CAMTA1: variants seen among roughly 807,000 people sequenced by gnomAD.
CAMTA1 encodes the protein calmodulin binding transcription activator 1.
A neutral mutation model predicts 170.9 loss-of-function variants in CAMTA1; 27 were observed. The observed-to-expected ratio is 0.16, with a 90% confidence interval of 0.12 to 0.22. CAMTA1 has a LOEUF of 0.22. CAMTA1 is among the 10% of genes least tolerant of loss of function. CAMTA1 has a pLI of 1.00. For missense variants in CAMTA1, 1,619 were observed against 2,217.2 expected (o/e 0.73, Z 5.42); for synonymous variants, 833 against 891.5 (o/e 0.93, Z 1.17).
At position 7,580,175 on chromosome 1, in the gene CAMTA1, C is replaced by T. The variant is rs918285344; in HGVS notation, c.511-60225C>T. Reference sequence around the variant, plus strand: ...GACACTGGTATGTGAACTGAGGCAGCGGGAAGAGCTCCTGGCCAAGGTCTT... The same window carrying T: ...GACACTGGTATGTGAACTGAGGCAGTGGGAAGAGCTCCTGGCCAAGGTCTT... On this transcript the variant is annotated intron_variant, in intron 6 of 22. Coordinates refer to ENST00000303635, the MANE Select transcript of CAMTA1 (RefSeq NM_015215.4). The surrounding 1 kb of genome is among the most constrained non-coding windows in gnomAD (Gnocchi z 4.3). Among the ~76,000 whole-genome samples, 2 of 152,340 alleles carry T rather than the reference C, an allele frequency of 1.3e-5. No homozygotes were observed. Among genetic ancestry groups the T allele is most frequent in the African/African-American group, 2.4e-5 (1 of 41,578 alleles).
At chr1:7,049,514 TGG>T (rs1326191770) in intron 3 of CAMTA1, among the ~76,000 whole-genome samples, 1 of 152,178 alleles carries the variant, frequency 6.6e-6, no homozygotes, top group African/African-American at 2.4e-5. Context: ...TGGAGTATAG[TGG>T]CACAATCTCT....
rs2149110284 is a variant in CAMTA1, at chr1:6,887,012, G to T, written c.234+61802G>T. Among the ~76,000 whole-genome samples, 1 of 152,310 alleles carries T rather than the reference G, an allele frequency of 6.6e-6. No homozygotes were observed. Among genetic ancestry groups the T allele is most frequent in the South Asian group, 2.1e-4 (1 of 4,820 alleles). ...CTGGCCCAGGAAGTAACAATGGGAA[G>T]TGCTGGAAATGGAATTTAAGAAGTC... On this transcript the variant is annotated intron_variant, in intron 3 of 22. Transcript: ENST00000303635. The surrounding 1 kb of genome is among the most constrained non-coding windows in gnomAD (Gnocchi z 4.1).
In CAMTA1 at chr1:7,665,292, T is replaced by A; in HGVS notation, c.2652+93T>A. The A allele has an allele frequency of 1.8e-6, 2 of 1,100,692 alleles. No individual in the cohort carries two copies. Among genetic ancestry groups the A allele is most frequent in the Non-Finnish European group, 2.4e-6 (2 of 824,694 alleles). 68.2% of individuals were successfully genotyped at this position (1,100,692 alleles called of 1,614,324 possible). A position where few individuals can be genotyped will look rare whatever the true frequency, so the allele number is the denominator to read the frequency against. On this transcript the variant is annotated intron_variant, in intron 9 of 22. Transcript: ENST00000303635. This position sits in a 1 kb window ranked among gnomAD's most constrained non-coding sequence, Gnocchi z 4.3. The stretch of plus-strand genomic sequence containing the variant: ...CCTGCAGCTAAGGGATGCCTGTGGC[T>A]GCCCTTCAGAGGAAGCTCTGGACCA...
chr1:7,549,515 C>T (rs1018364546), intron 6 of CAMTA1, among the ~76,000 whole-genome samples: 3 of 152,150 alleles, frequency 2.0e-5, no homozygotes. Flanking sequence ...CATTTCCTCT[C>T]CAATGCCCTG....
intron 18 of CAMTA1, among the ~76,000 whole-genome samples, chr1:7,747,233 C>G (rs778642728): frequency 1.3e-5 from 2 of 152,146 alleles, no homozygotes; most frequent in Non-Finnish European, 2.9e-5. Flanking sequence ...GGGGCTGACT[C>G]CAGGCAGCCC....
At chr1:7,436,358 G>A (rs902944350) in intron 5 of CAMTA1, among the ~76,000 whole-genome samples, 4 of 152,228 alleles carry the variant, frequency 2.6e-5, no homozygotes, top group African/African-American at 9.6e-5. Context: ...GGGCCTGGGA[G>A]GGAAAAGGGG....
intron 6 of CAMTA1, among the ~76,000 whole-genome samples, chr1:7,582,884 C>T (rs1455417353): frequency 2.0e-5 from 3 of 151,886 alleles, no homozygotes; most frequent in South Asian, 4.2e-4. Context: ...AGCAGCCTCT[C>T]GGTGGGTTTC....
intron 5 of CAMTA1, among the ~76,000 whole-genome samples, chr1:7,457,681 T>TTG (rs1268270764): frequency 6.6e-6 from 1 of 152,192 alleles, no homozygotes; most frequent in East Asian, 1.9e-4. Context: ...TCAGAGAGGC[T>TTG]GGGGGAGCCT....
intron 5 of CAMTA1, among the ~76,000 whole-genome samples, chr1:7,344,581 G>A (rs2084081582): frequency 6.6e-6 from 1 of 152,054 alleles, no homozygotes; most frequent in Non-Finnish European, 1.5e-5. Context: ...GATTTCCAGG[G>A]TCTCCACCCT....
chr1:7,390,539 T>C (rs759404125), intron 5 of CAMTA1, among the ~76,000 whole-genome samples: 4 of 152,232 alleles, frequency 2.6e-5, no homozygotes, highest in Non-Finnish European at 1.5e-5. Flanking sequence ...AGTTCTGCTC[T>C]CTGGGCCTCA....
In CAMTA1 at chr1:6,968,139, C is replaced by T. The variant is rs142173363; in HGVS notation, c.235-123165C>T. Among the ~76,000 whole-genome samples, 3 of 152,326 alleles carry T rather than the reference C, an allele frequency of 2.0e-5. No individual in the cohort carries two copies. In the East Asian group the frequency reaches 5.8e-4, roughly 29 times the overall value. On this transcript the variant is annotated intron_variant, in intron 3 of 22. Coordinates refer to ENST00000303635, the MANE Select transcript of CAMTA1 (RefSeq NM_015215.4). ...ATGGAACCCACGAATTCCGTTGGCC[C>T]CTCCCTGCCCCAGATGGCACCCTCA...
Position 7,736,952 on chromosome 1 carries a change from T to C in CAMTA1, c.3285T>C (p.Ile1095=). 1 of 1,613,562 alleles carries C rather than the reference T, an allele frequency of 6.2e-7. No individual in the cohort carries two copies. ...IKWRTKHADS[I]DLELEVDPLN... is the part of the protein sequence containing the mutation. ...ATAGTACAAAGCACGCGGATAGCATTGACCTGGAACTGGAAGTTGACCCCT... is the reference window on the plus strand; with the variant it reads ...ATAGTACAAAGCACGCGGATAGCATCGACCTGGAACTGGAAGTTGACCCCT... Residue 1095 remains isoleucine, a synonymous_variant, in exon 14 of 23, where the codon ATT becomes ATC. Coordinates refer to ENST00000303635, the MANE Select transcript of CAMTA1 (RefSeq NM_015215.4). The surrounding 1 kb of genome is among the most constrained non-coding windows in gnomAD (Gnocchi z 4.5).
rs945366616 is a variant in CAMTA1, at chr1:7,674,299, C to G, written c.2779+3262C>G. 6.6e-6 allele frequency among the ~76,000 whole-genome samples: 1 copy of G among 151,988 alleles called. No individual in the cohort carries two copies. Among genetic ancestry groups the G allele is most frequent in the Non-Finnish European group, 1.5e-5 (1 of 68,012 alleles). On this transcript the variant is annotated intron_variant, in intron 10 of 22. Coordinates refer to ENST00000303635, the MANE Select transcript of CAMTA1 (RefSeq NM_015215.4). This position sits in a 1 kb window ranked among gnomAD's most constrained non-coding sequence, Gnocchi z 4.1. ...GCAAGACTCCAGGGTGCTTCAGGGG[C>G]AGGAGGGAGCCCACCAAGTTAGGGC...
intron 1 of CAMTA1, among the ~76,000 whole-genome samples, chr1:6,805,525 A>T (rs1644411277): frequency 6.6e-6 from 1 of 152,022 alleles, no homozygotes; most frequent in Non-Finnish European, 1.5e-5. Context: ...TTGTTTTTTG[A>T]GAGAGGGTCT....
intron 3 of CAMTA1, among the ~76,000 whole-genome samples, chr1:7,026,128 A>G (rs925266326): frequency 2.6e-5 from 4 of 152,064 alleles, no homozygotes; most frequent in Non-Finnish European, 4.4e-5. Flanking sequence ...TTAAAAAAAA[A>G]AAAAAGAAAC....
chr1:7,437,768 C>A (rs2092393158), intron 5 of CAMTA1, among the ~76,000 whole-genome samples: 1 of 152,140 alleles, frequency 6.6e-6, no homozygotes, highest in Admixed American at 6.5e-5. Flanking sequence ...CCCAGCTGGC[C>A]CTGTGGGGTA....
At chr1:7,385,794 C>A (rs1294462360) in intron 5 of CAMTA1, among the ~76,000 whole-genome samples, 1 of 152,226 alleles carries the variant, frequency 6.6e-6, no homozygotes, top group Non-Finnish European at 1.5e-5. Context: ...CCACTGCTAG[C>A]CACTCTCTTC....
chr1:7,524,430 A>AC (rs1380573149), intron 6 of CAMTA1, among the ~76,000 whole-genome samples: 1 of 152,034 alleles, frequency 6.6e-6, no homozygotes, highest in African/African-American at 2.4e-5. Context: ...ATCTGTACAG[A>AC]CAGTTGTATT....
intron 4 of CAMTA1, among the ~76,000 whole-genome samples, chr1:7,185,580 A>G (rs764502178): frequency 3.9e-5 from 6 of 152,238 alleles, no homozygotes; most frequent in Non-Finnish European, 5.9e-5. Flanking sequence ...AGTTCTTACT[A>G]ATTTCAAAGG....
Sources: gnomAD v4.1 joint callset for allele counts (sites outside exome capture counted in the v4.1 genomes callset) on GRCh38, gnomAD v4.1.1 for gene constraint, Gnocchi (gnomAD v3.1) non-coding constraint, MANE v1.5 for transcripts, NCBI Gene and HGNC (gene_info 2026-07-23, HGNC 2026-07-21) for gene names.